Variants in PSMC6 observed in about 807,000 individuals in gnomAD.
The protein encoded by PSMC6 is proteasome 26S subunit, ATPase 6.
PSMC6 carries 3 observed loss-of-function variants against 55.9 expected under a neutral mutation model. That is an observed-to-expected ratio of 0.05 (90% CI 0.02 to 0.14). The LOEUF is 0.14. Among genes scored for constraint, PSMC6 ranks in the 10% least tolerant of loss-of-function variants. The probability of loss-of-function intolerance (pLI) is 1.00; values close to 1 mark genes in which losing one functional copy is unlikely to be tolerated. For missense variants in PSMC6, 210 were observed against 478.7 expected, an observed-to-expected ratio of 0.44 and a Z score of 5.24; for synonymous variants, 137 against 155.9, an observed-to-expected ratio of 0.88 and a Z score of 0.90.
chr14:52,716,136 CAGAA>C (rs2041828146), intron 7 of PSMC6, among the ~76,000 whole-genome samples: 1 of 152,096 alleles, frequency 6.6e-6, no homozygotes, highest in African/African-American at 2.4e-5. Flanking sequence ...TTTAATGTAA[CAGAA>C]GTTTCTGTCA....
At chr14:52,713,386 A>G (rs1000532591) in intron 6 of PSMC6, among the ~76,000 whole-genome samples, 1 of 152,232 alleles carries the variant, frequency 6.6e-6, no homozygotes, top group African/African-American at 2.4e-5. Flanking sequence ...GCCAACAGAT[A>G]AAAATTGTAT....
chr14:52,718,943 T>G (rs1261763623), intron 9 of PSMC6, 34 bp from the exon 10 acceptor site: 1 of 1,496,882 alleles, frequency 6.7e-7, no homozygotes, highest in Non-Finnish European at 9.3e-7. Flanking sequence ...AGGAAAAGAG[T>G]AATGCATATA....
chr14:52,724,493 A>C (rs1880325458), intron 13 of PSMC6, among the ~76,000 whole-genome samples: 1 of 152,196 alleles, frequency 6.6e-6, no homozygotes, highest in Non-Finnish European at 1.5e-5. Context: ...TGCCTACCAC[A>C]CCTGTGGCTG....
At chr14:52,711,004 G>A in intron 4 of PSMC6, 97 bp from the exon 5 acceptor site, 9 of 807,596 alleles carry the variant, frequency 1.1e-5, no homozygotes, top group Non-Finnish European at 1.7e-5. Flanking sequence ...TCTCTGGAGG[G>A]TAAAAATGAG....
intron 13 of PSMC6, among the ~76,000 whole-genome samples, chr14:52,725,819 A>C (rs567674822): frequency 4.6e-5 from 7 of 152,228 alleles, no homozygotes; most frequent in Non-Finnish European, 5.9e-5. Flanking sequence ...CTGGCCAGGC[A>C]TCTCTTGTGC....
chr14:52,724,149 C>A, intron 13 of PSMC6, 113 bp downstream of exon 13: 2 of 969,292 alleles, frequency 2.1e-6, no homozygotes, highest in Non-Finnish European at 3.1e-6. Context: ...TGGGTTCATG[C>A]TGTTCTTTTA....
chr14:52,712,266 T>C (rs1393205715), intron 6 of PSMC6, among the ~76,000 whole-genome samples: 1 of 151,902 alleles, frequency 6.6e-6, no homozygotes, highest in East Asian at 1.9e-4. Flanking sequence ...GCCCTCTGAG[T>C]GGTTTTGATG....
At chr14:52,708,565 A>G (rs781606977) in intron 3 of PSMC6, 43 bp downstream of exon 3, 1 of 1,583,766 alleles carries the variant, frequency 6.3e-7, no homozygotes. Context: ...GAAACAGTCC[A>G]CCTCTCTCTC....
intron 7 of PSMC6, among the ~76,000 whole-genome samples, chr14:52,714,658 T>C (rs987900381): frequency 1.3e-4 from 20 of 151,896 alleles, no homozygotes; most frequent in African/African-American, 4.8e-4. Flanking sequence ...GGTCAGGAGT[T>C]TGAGAGCAGC....
intron 6 of PSMC6, among the ~76,000 whole-genome samples, chr14:52,712,581 CT>C (rs1222433701): frequency 6.6e-6 from 1 of 152,062 alleles, no homozygotes. Flanking sequence ...ATTTCTCTCA[CT>C]TCTGGCTTTT....
intron 7 of PSMC6, among the ~76,000 whole-genome samples, chr14:52,715,614 C>T (rs1374051164): frequency 6.7e-6 from 1 of 149,156 alleles, no homozygotes; most frequent in African/African-American, 2.5e-5. Context: ...TTTTTCTTTT[C>T]TTTTCTTTTT....
intron 3 of PSMC6, 67 bp from the exon 4 acceptor site, chr14:52,708,697 G>C: frequency 1.3e-6 from 2 of 1,599,906 alleles, no homozygotes; most frequent in East Asian, 2.2e-5. Context: ...TAAACCCTCT[G>C]TCAACGTGGG....
chr14:52,726,948 C>T (rs986262863), intron 13 of PSMC6, among the ~76,000 whole-genome samples: 4 of 147,476 alleles, frequency 2.7e-5, no homozygotes, highest in African/African-American at 1.0e-4. Flanking sequence ...AGCCTTGAAC[C>T]GGATGTTAAA....
chr14:52,720,222 CAAAAAAAAAAA>C (rs34123680), intron 10 of PSMC6, among the ~76,000 whole-genome samples: 7 of 62,372 alleles, frequency 1.1e-4, no homozygotes, highest in African/African-American at 4.8e-4. Flanking sequence ...AGTCTGTCTC[CAAAAAAAAAAA>C]AAAAAAAAAA....
intron 12 of PSMC6, 58 bp from the exon 13 acceptor site, chr14:52,723,907 C>T: frequency 1.3e-6 from 2 of 1,595,882 alleles, no homozygotes; most frequent in Non-Finnish European, 1.7e-6. Context: ...TCGATGTGGG[C>T]ATAAATCAAG....
intron 3 of PSMC6, 91 bp from the exon 4 acceptor site, chr14:52,708,673 G>T (rs1194365423): frequency 6.3e-7 from 1 of 1,576,398 alleles, no homozygotes; most frequent in Non-Finnish European, 8.6e-7. Context: ...CTCCTTGGAG[G>T]ACAGAAATAC....
intron 8 of PSMC6, 27 bp downstream of exon 8, chr14:52,718,169 T>C (rs766010190): frequency 4.2e-5 from 67 of 1,611,294 alleles, no homozygotes; most frequent in South Asian, 1.8e-4. Flanking sequence ...TTTGTACTTA[T>C]TGAAATTTAA....
rs1265250059 is a variant in PSMC6 at position 52,728,283 on chromosome 14, T to A, written c.*666T>A. On this transcript the variant is annotated 3_prime_UTR_variant, in exon 14 of 14. Coordinates refer to ENST00000445930, the MANE Select transcript of PSMC6 (RefSeq NM_002806.5). ...TCCATAACTTTTTAAAGAGTATGAT[T>A]CAACGTAATATTTGCTAATATGTGA... The A allele has an allele frequency of 6.6e-6, 1 of 152,262 alleles. No homozygotes were observed. 9.4% of individuals were successfully genotyped at this position (152,262 alleles called of 1,614,324 possible). A position where few individuals can be genotyped will look rare whatever the true frequency, so the allele number is the denominator to read the frequency against.
intron 4 of PSMC6, chr14:52,709,775 G>C (rs563958156): frequency 4.4e-6 from 1 of 228,124 alleles, no homozygotes; most frequent in Admixed American, 5.9e-5. Context: ...GTGTTGTACT[G>C]GTTGAGCATC....
Sources: gnomAD v4.1 joint callset for allele counts (sites outside exome capture counted in the v4.1 genomes callset) on GRCh38, gnomAD v4.1.1 for gene constraint, MANE v1.5 for transcripts, NCBI Gene and HGNC (gene_info 2026-07-23, HGNC 2026-07-21) for gene names.